LYPD6: variants seen among roughly 807,000 people sequenced by gnomAD.
LYPD6 encodes LY6/PLAUR domain containing 6.
LYPD6 carries 15 observed loss-of-function variants against 22.7 expected under a neutral mutation model. That is an observed-to-expected ratio of 0.66 (90% CI 0.44 to 1.02). LYPD6 has a LOEUF of 1.02. Ranked by LOEUF, LYPD6 falls within the 50% of genes least tolerant of loss-of-function variation. The pLI, the probability that LYPD6 is intolerant of heterozygous loss-of-function variation, is 0.00. For missense variants in LYPD6, 189 were observed against 208.4 expected (o/e 0.91, Z 0.57); for synonymous variants, 72 against 77.5 (o/e 0.93, Z 0.37).
chr2:149,431,289 G>T (rs930601829), intron 1 of LYPD6, among the ~76,000 whole-genome samples: 8 of 152,152 alleles, frequency 5.3e-5, no homozygotes, highest in Non-Finnish European at 8.8e-5. Flanking sequence ...TTTTCTAAAT[G>T]TCTAATACAG....
Position 149,437,825 on chromosome 2 carries a change from A to G in LYPD6, c.117A>G (p.Ser39=), listed in dbSNP as rs759758405. 3.1e-6 allele frequency: 5 copies of G among 1,613,814 alleles called. No homozygotes were observed. The African/African-American group carries it at 5.3e-5, about 17-fold the overall frequency. ...AAGACATTATCTACCTCCATCCTTC[A>G]AGTAAGACTGTTCTCTTTGCTGCAG... ...TVKDIIYLHP[S]TTPYPGGFKC... The change falls in exon 2 of 5, where the codon TCA becomes TCG. Residue 39 remains serine (S), a splice_region_variant and synonymous_variant. Coordinates refer to ENST00000334166, the MANE Select transcript of LYPD6 (RefSeq NM_194317.5).
At position 149,410,165 on chromosome 2, in the gene LYPD6, T is replaced by A. The variant is rs1573783775; in HGVS notation, c.-71-27473T>A. On this transcript the variant is annotated intron_variant, in intron 1 of 4. Coordinates refer to ENST00000334166, the MANE Select transcript of LYPD6 (RefSeq NM_194317.5). ...CTTGAACTGTCAAAAACTAGTAAAA[T>A]TTACTGAAATTTAGGGGTCTCAGAG... 2.0e-5 allele frequency among the ~76,000 whole-genome samples: 3 copies of A among 152,138 alleles called. No individual in the cohort carries two copies. In the South Asian group the frequency reaches 6.2e-4, roughly 32 times the overall value.
chr2:149,443,056 G>A (rs576011642), intron 2 of LYPD6, among the ~76,000 whole-genome samples: 2 of 152,268 alleles, frequency 1.3e-5, no homozygotes, highest in African/African-American at 4.8e-5. Context: ...TAGTATTTTA[G>A]TTCCCACTCC....
chr2:149,450,321 T>G (rs1481584948), intron 3 of LYPD6, among the ~76,000 whole-genome samples: 1 of 152,194 alleles, frequency 6.6e-6, no homozygotes, highest in Non-Finnish European at 1.5e-5. Context: ...TCTAAAGGGT[T>G]GTCAGGTGAT....
At chr2:149,372,515 A>C (rs1455674914) in intron 1 of LYPD6, among the ~76,000 whole-genome samples, 1 of 152,168 alleles carries the variant, frequency 6.6e-6, no homozygotes, top group African/African-American at 2.4e-5. Flanking sequence ...TGTTGGGTGC[A>C]TTTCATTCTC....
chr2:149,348,945 A>G (rs1248705439), intron 1 of LYPD6, among the ~76,000 whole-genome samples: 1 of 151,992 alleles, frequency 6.6e-6, no homozygotes, highest in African/African-American at 2.4e-5. Flanking sequence ...TCTCAGAAGG[A>G]TAGGATGTGG....
At chr2:149,476,521 C>T (rs772149075), downstream of LYPD6, among the ~76,000 whole-genome samples, 28 of 152,018 alleles carry the variant, frequency 1.8e-4, no homozygotes, top group Non-Finnish European at 2.9e-4. Context: ...CCATTGATGT[C>T]CTCCTGGGGA....
chr2:149,404,778 G>C (rs957911274), intron 1 of LYPD6, among the ~76,000 whole-genome samples: 3 of 152,152 alleles, frequency 2.0e-5, no homozygotes, highest in African/African-American at 7.2e-5. Context: ...ATGTTGAATA[G>C]GAGTGGTGAG....
intron 1 of LYPD6, among the ~76,000 whole-genome samples, chr2:149,363,720 T>C (rs1305591266): frequency 6.6e-6 from 1 of 152,206 alleles, no homozygotes; most frequent in African/African-American, 2.4e-5. Context: ...ATAAATCACA[T>C]GGGAAAGTGC....
chr2:149,365,525 A>AT (rs1165622553), intron 1 of LYPD6, among the ~76,000 whole-genome samples: 18 of 149,642 alleles, frequency 1.2e-4, no homozygotes, highest in Non-Finnish European at 1.6e-4. Context: ...GTTATTAAGG[A>AT]TTTTTTTTTC....
chr2:149,416,544 G>A (rs1004707165), intron 1 of LYPD6, among the ~76,000 whole-genome samples: 4 of 152,188 alleles, frequency 2.6e-5, no homozygotes, highest in Non-Finnish European at 4.4e-5. Context: ...GTGCCCTCGT[G>A]GCAGCTATAA....
At chr2:149,362,139 TAAC>T (rs1681582342) in intron 1 of LYPD6, among the ~76,000 whole-genome samples, 1 of 152,302 alleles carries the variant, frequency 6.6e-6, no homozygotes, top group East Asian at 1.9e-4. Context: ...AACTTTGAGA[TAAC>T]ACATTTGTGT....
chr2:149,443,425 C>T (rs760433239), intron 2 of LYPD6, among the ~76,000 whole-genome samples: 8 of 152,164 alleles, frequency 5.3e-5, no homozygotes, highest in South Asian at 2.1e-4. Context: ...GAGTAGCTTG[C>T]AGCCATAAAC....
chr2:149,454,182 C>G (rs141071832), intron 3 of LYPD6, among the ~76,000 whole-genome samples: 1 of 152,166 alleles, frequency 6.6e-6, no homozygotes. Flanking sequence ...GTTGAATATA[C>G]ATACCGCAAA....
rs533791961 is a variant in LYPD6 at position 149,426,561 on chromosome 2, T to G, written c.-71-11077T>G. 5.9e-5 allele frequency among the ~76,000 whole-genome samples: 9 copies of G among 152,182 alleles called. No homozygotes were observed. The East Asian group carries it at 1.5e-3, about 26-fold the overall frequency. On this transcript the variant is annotated intron_variant, in intron 1 of 4. Coordinates refer to ENST00000334166, the MANE Select transcript of LYPD6 (RefSeq NM_194317.5). ...AAAGGGCATGATTTGTAAATTATGG[T>G]GGGAGGGAGAATTCTGGCTTCCTCC...
intron 3 of LYPD6, among the ~76,000 whole-genome samples, chr2:149,451,296 A>G (rs1680799570): frequency 6.6e-6 from 1 of 152,132 alleles, no homozygotes; most frequent in South Asian, 2.1e-4. Context: ...TAAGGGTCCT[A>G]ATCCCATTCT....
chr2:149,387,997 A>G (rs533494370), intron 1 of LYPD6, among the ~76,000 whole-genome samples: 116 of 152,330 alleles, frequency 7.6e-4, no homozygotes, highest in Non-Finnish European at 1.4e-3. Flanking sequence ...TTACATGTCC[A>G]TATTTTCATT....
chr2:149,373,064 AGT>A (rs1299753751), intron 1 of LYPD6, among the ~76,000 whole-genome samples: 3 of 152,162 alleles, frequency 2.0e-5, no homozygotes, highest in Non-Finnish European at 4.4e-5. Context: ...AAGTGAGAGC[AGT>A]GGCCATGGCT....
chr2:149,482,926 T>C, the LYPD6 span, among the ~76,000 whole-genome samples: 1 of 152,278 alleles, frequency 6.6e-6, no homozygotes, highest in African/African-American at 2.4e-5. Flanking sequence ...GCAGAAAGCA[T>C]TGCTAAAAGC....
Sources: allele counts gnomAD v4.1 joint callset (sites outside exome capture counted in the v4.1 genomes callset), GRCh38; gene constraint gnomAD v4.1.1; transcripts MANE v1.5; gene names NCBI Gene and HGNC (gene_info 2026-07-23, HGNC 2026-07-21).